Variants in PRKCE observed in about 807,000 individuals in gnomAD.
PRKCE encodes protein kinase C epsilon.
In PRKCE, 16 loss-of-function variants were observed where a neutral mutation model predicts 85.4. The observed-to-expected ratio is 0.19, with a 90% CI of 0.13 to 0.28. The LOEUF (loss-of-function observed/expected upper bound fraction) is 0.28, where lower values mean the gene tolerates loss of function less well. Ranked by LOEUF, PRKCE falls within the 10% of genes least tolerant of loss-of-function variation. The pLI, the probability that PRKCE is intolerant of heterozygous loss-of-function variation, is 1.00. For synonymous variants in PRKCE, 388 were observed against 371.5 expected (o/e 1.04, Z -0.51); for missense variants, 573 against 975.2 (o/e 0.59, Z 5.49).
At chr2:46,039,040 G>A (rs770026908) in intron 10 of PRKCE, among the ~76,000 whole-genome samples, 15 of 152,106 alleles carry the variant, frequency 9.9e-5, no homozygotes, top group Non-Finnish European at 1.6e-4. Flanking sequence ...GTAAGAATAC[G>A]GCTTTAATGG....
chr2:46,023,967 C>A (rs767087689), intron 10 of PRKCE, among the ~76,000 whole-genome samples: 5 of 152,164 alleles, frequency 3.3e-5, no homozygotes, highest in Non-Finnish European at 4.4e-5. Flanking sequence ...CACATCAACC[C>A]TATGAGGTAG....
chr2:46,101,680 T>G (rs1332658225), intron 11 of PRKCE, among the ~76,000 whole-genome samples: 2 of 152,114 alleles, frequency 1.3e-5, no homozygotes, highest in African/African-American at 4.8e-5. Context: ...TTTAATAGAA[T>G]TTCAGAGGTG....
At position 46,004,770 on chromosome 2, in the gene PRKCE, C is replaced by A. The variant is rs560752400; in HGVS notation, c.1063+132C>A. The A allele has an allele frequency of 8.0e-5, 58 of 720,828 alleles. No homozygotes were observed. In the African/African-American group the frequency reaches 8.5e-4, roughly 11 times the overall value. The allele number at this position is 720,828 out of a possible 1,614,324, so 44.7% of individuals were successfully genotyped here. On this transcript the variant is annotated intron_variant, in intron 8 of 14. Coordinates refer to ENST00000306156, the MANE Select transcript of PRKCE (RefSeq NM_005400.3). This position sits in a 1 kb window ranked among gnomAD's most constrained non-coding sequence, Gnocchi z 4.1. Reference sequence around the variant, plus strand: ...AGCAGCCCTGGTGGGTTTTCACACACCCGTTGCCTGTTGATTTAACAGTTC... The same window carrying A: ...AGCAGCCCTGGTGGGTTTTCACACAACCGTTGCCTGTTGATTTAACAGTTC...
At chr2:45,886,659 CTT>C (rs1695325404) in intron 2 of PRKCE, among the ~76,000 whole-genome samples, 2 of 152,318 alleles carry the variant, frequency 1.3e-5, no homozygotes, top group South Asian at 4.1e-4. Context: ...AGTCAAATGA[CTT>C]TTTCAAACCT....
At chr2:45,713,056 A>C (rs1052333883) in intron 1 of PRKCE, among the ~76,000 whole-genome samples, 1 of 152,210 alleles carries the variant, frequency 6.6e-6, no homozygotes, top group Non-Finnish European at 1.5e-5. Flanking sequence ...TCTTGGTCCC[A>C]GTCTGGTGCT....
intron 1 of PRKCE, among the ~76,000 whole-genome samples, chr2:45,716,536 AAAGAAAAAGAAAGAAAGG>A (rs566485629): frequency 0.029 from 4,349 of 151,300 alleles, 83 homozygotes; most frequent in Admixed American, 0.046. Flanking sequence ...AAAAAGAAAG[AAAGAAAAAGAAAGAAAGG>A]AAGAAAAAGA....
chr2:45,724,257 G>A (rs1680871855), intron 1 of PRKCE, among the ~76,000 whole-genome samples: 1 of 152,148 alleles, frequency 6.6e-6, no homozygotes, highest in Admixed American at 6.5e-5. Flanking sequence ...AATTACGTTT[G>A]TTTGATGTTA....
intron 10 of PRKCE, among the ~76,000 whole-genome samples, chr2:46,046,916 C>G (rs111619691): frequency 6.6e-6 from 1 of 152,220 alleles, no homozygotes; most frequent in African/African-American, 2.4e-5. Flanking sequence ...CCTATTTCCA[C>G]TTTCATCTAC....
intron 1 of PRKCE, among the ~76,000 whole-genome samples, chr2:45,771,247 C>T (rs1341226304): frequency 6.6e-6 from 1 of 152,120 alleles, no homozygotes; most frequent in East Asian, 1.9e-4. Context: ...AAACAAAGGA[C>T]GGGGCTCAGG....
At chr2:45,831,725 C>A (rs750087063) in intron 1 of PRKCE, among the ~76,000 whole-genome samples, 6 of 152,082 alleles carry the variant, frequency 3.9e-5, no homozygotes, top group Non-Finnish European at 8.8e-5. Context: ...GCAGCAGTGA[C>A]CACCAGAGAA....
chr2:45,992,198 A>T (rs1216027047), intron 6 of PRKCE, among the ~76,000 whole-genome samples: 1 of 152,038 alleles, frequency 6.6e-6, no homozygotes, highest in African/African-American at 2.4e-5. Flanking sequence ...GCTTTGGTTG[A>T]CTCAGAATCC....
intron 1 of PRKCE, chr2:45,686,489 A>G (rs1677309515): frequency 1.3e-5 from 2 of 152,354 alleles, no homozygotes; most frequent in East Asian, 3.9e-4. Flanking sequence ...ATATGCTTAT[A>G]TGCTATACAA....
intron 11 of PRKCE, among the ~76,000 whole-genome samples, chr2:46,125,232 C>T (rs142789732): frequency 6.6e-6 from 1 of 152,270 alleles, no homozygotes; most frequent in African/African-American, 2.4e-5. Context: ...TTCATCCAGT[C>T]TGTAGAGCTC....
At chr2:45,680,739 T>C (rs1676822791) in intron 1 of PRKCE, among the ~76,000 whole-genome samples, 1 of 152,230 alleles carries the variant, frequency 6.6e-6, no homozygotes, top group Non-Finnish European at 1.5e-5. Context: ...TCCAATAGCC[T>C]ATACCTTTCA....
intron 13 of PRKCE, among the ~76,000 whole-genome samples, chr2:46,151,745 A>C (rs1231024910): frequency 6.6e-6 from 1 of 152,266 alleles, no homozygotes; most frequent in African/African-American, 2.4e-5. Context: ...GGTACACTGG[A>C]AATTCATGCA....
intron 11 of PRKCE, among the ~76,000 whole-genome samples, chr2:46,125,736 A>G (rs984656794): frequency 2.0e-5 from 3 of 152,246 alleles, no homozygotes; most frequent in African/African-American, 7.2e-5. Flanking sequence ...TAGTAGGTAC[A>G]TAAGTGAGAA....
At chr2:46,180,295 C>A (rs1317520999) in intron 14 of PRKCE, among the ~76,000 whole-genome samples, 1 of 152,168 alleles carries the variant, frequency 6.6e-6, no homozygotes, top group Non-Finnish European at 1.5e-5. Flanking sequence ...CTATGCAAGG[C>A]TGGAGGCAAG....
intron 13 of PRKCE, among the ~76,000 whole-genome samples, chr2:46,152,824 G>A (rs1219263652): frequency 1.3e-5 from 2 of 152,120 alleles, no homozygotes; most frequent in African/African-American, 2.4e-5. Context: ...TGGGATTACA[G>A]GTGTGAGCCA....
In PRKCE at chr2:46,104,305, T is replaced by TG. The variant is rs200122458; in HGVS notation, c.1592+17943_1592+17944insG. On this transcript the variant is annotated intron_variant, in intron 11 of 14. Transcript: ENST00000306156. ...AACCCTTCACCTTGTACTTTTTTTT[T>TG]TTTTTTTTTGCCATATCTGCAATCT... 2.7e-5 allele frequency among the ~76,000 whole-genome samples: 4 copies of TG among 150,540 alleles called. No individual in the cohort carries two copies. The East Asian group carries it at 5.9e-4, about 22-fold the overall frequency.
Sources: gnomAD v4.1 joint callset for allele counts (sites outside exome capture counted in the v4.1 genomes callset) on GRCh38, gnomAD v4.1.1 for gene constraint, Gnocchi (gnomAD v3.1) non-coding constraint, MANE v1.5 for transcripts, NCBI Gene and HGNC (gene_info 2026-07-23, HGNC 2026-07-21) for gene names.